The following UBR3 variants were observed in gnomAD, a reference collection of about 807,000 sequenced individuals.
UBR3 encodes ubiquitin protein ligase E3 component n-recognin 3, also known as E3 ubiquitin-protein ligase UBR3.
Under a neutral mutation model 243.2 loss-of-function variants are expected in UBR3, and 85 were observed. The observed-to-expected ratio is 0.35, with a 90% CI of 0.29 to 0.42. UBR3 has a LOEUF of 0.42. Among genes scored for constraint, UBR3 ranks in the 10% least tolerant of loss-of-function variants. The probability of loss-of-function intolerance (pLI) is 1.00; values close to 1 mark genes in which losing one functional copy is unlikely to be tolerated. For missense variants in UBR3, 1,686 were observed against 2,300.8 expected (o/e 0.73, Z 5.47); for synonymous variants, 748 against 799.8 (o/e 0.94, Z 1.09).
At chr2:169,884,256 C>T (rs748456886) in intron 5 of UBR3, among the ~76,000 whole-genome samples, 12 of 151,194 alleles carry the variant, frequency 7.9e-5, no homozygotes, top group East Asian at 3.9e-4. Flanking sequence ...CCCAGGTTCA[C>T]GCCATTCTGC....
chr2:169,849,033 T>C (rs1167491827), intron 1 of UBR3, among the ~76,000 whole-genome samples: 2 of 152,180 alleles, frequency 1.3e-5, no homozygotes, highest in African/African-American at 2.4e-5. Context: ...AGGGAAAAGA[T>C]ACATATATAT....
chr2:169,956,112 C>T (rs1208746383), intron 23 of UBR3, among the ~76,000 whole-genome samples: 1 of 151,950 alleles, frequency 6.6e-6, no homozygotes, highest in East Asian at 1.9e-4. Flanking sequence ...CAATCCATCC[C>T]TCTAGGAGTC....
At chr2:169,950,524 C>T (rs1013556193) in intron 23 of UBR3, among the ~76,000 whole-genome samples, 2 of 151,742 alleles carry the variant, frequency 1.3e-5, no homozygotes, top group African/African-American at 2.4e-5. Flanking sequence ...CACATTCTGA[C>T]TAACTTATGC....
chr2:169,909,089 C>T (rs2085143512), intron 10 of UBR3, among the ~76,000 whole-genome samples: 1 of 152,124 alleles, frequency 6.6e-6, no homozygotes, highest in Non-Finnish European at 1.5e-5. Context: ...TCCCAAAGTG[C>T]TGGGATTACA....
intron 24 of UBR3, among the ~76,000 whole-genome samples, chr2:169,981,824 T>A (rs968559620): frequency 1.3e-4 from 20 of 151,998 alleles, no homozygotes; most frequent in Non-Finnish European, 2.6e-4. Context: ...GATTATTTTT[T>A]AAAAAAGAAA....
At chr2:169,870,035 G>A (rs540179906) in intron 1 of UBR3, among the ~76,000 whole-genome samples, 35 of 151,924 alleles carry the variant, frequency 2.3e-4, no homozygotes, top group Admixed American at 1.0e-3. Flanking sequence ...CTTAACTTAG[G>A]CTTTCTATAT....
chr2:170,080,634 C>T lies in UBR3; in HGVS notation c.5499C>T (p.Leu1833=). ...IIIIRGHRFC[L]WGSVYLDAHG... ...TCATTCGAGGTCACCGCTTCTGCCT[C>T]TGGGGTTCCGTGTATTTGGATGCTC... The change falls in exon 38 of 39, where the codon CTC becomes CTT. Residue 1833 remains leucine (L), a synonymous_variant. Coordinates refer to ENST00000272793, the MANE Select transcript of UBR3 (RefSeq NM_172070.4). 6.2e-7 allele frequency: 1 copy of T among 1,613,998 alleles called. No homozygotes were observed. The highest frequency in any genetic ancestry group is 8.5e-7 in the Non-Finnish European group (1 of 1,179,954).
intron 24 of UBR3, among the ~76,000 whole-genome samples, chr2:169,962,609 A>G (rs2087629778): frequency 6.6e-6 from 1 of 151,956 alleles, no homozygotes; most frequent in Non-Finnish European, 1.5e-5. Context: ...TGATCTTTTA[A>G]TTTTTTAATG....
chr2:169,964,398 C>A (rs571352619), intron 24 of UBR3: 45 of 469,450 alleles, frequency 9.6e-5, no homozygotes, highest in African/African-American at 8.6e-4. Context: ...ACAAGTGAGA[C>A]AAAACAAAAA....
chr2:169,942,093 G>A (rs566435600), intron 19 of UBR3, among the ~76,000 whole-genome samples: 24 of 152,164 alleles, frequency 1.6e-4, no homozygotes, highest in Middle Eastern at 3.4e-3. Context: ...GCTCAAATAC[G>A]CATTCAAAAG....
At chr2:170,064,175 C>T (rs980359565) in intron 35 of UBR3, among the ~76,000 whole-genome samples, 4 of 152,064 alleles carry the variant, frequency 2.6e-5, no homozygotes, top group Non-Finnish European at 4.4e-5. Flanking sequence ...TAGTCTGGCC[C>T]TTTTTAAAAA....
chr2:170,029,181 G>A (rs2090606819), intron 30 of UBR3, among the ~76,000 whole-genome samples, 165 bp from the exon 31 acceptor site: 1 of 151,994 alleles, frequency 6.6e-6, no homozygotes, highest in Non-Finnish European at 1.5e-5. Context: ...TATTTCAGAG[G>A]TTACCATAAA....
At chr2:169,977,069 T>G (rs1336426414) in intron 24 of UBR3, among the ~76,000 whole-genome samples, 1 of 152,138 alleles carries the variant, frequency 6.6e-6, no homozygotes, top group African/African-American at 2.4e-5. Flanking sequence ...GGATTTTTGT[T>G]TGGTTCTTTT....
chr2:169,987,881 A>G (rs1023723678), intron 25 of UBR3, among the ~76,000 whole-genome samples: 1 of 144,262 alleles, frequency 6.9e-6, no homozygotes, highest in South Asian at 2.4e-4. Flanking sequence ...CTGTGGCCAA[A>G]TATGTTTTTT....
chr2:169,873,518 AAGTT>A (rs2083497049), intron 2 of UBR3, among the ~76,000 whole-genome samples: 1 of 152,014 alleles, frequency 6.6e-6, no homozygotes, highest in South Asian at 2.1e-4. Flanking sequence ...ACATTTTTAA[AAGTT>A]AGCTGGGTGT....
intron 35 of UBR3, among the ~76,000 whole-genome samples, chr2:170,063,419 GA>G (rs1292972000): frequency 1.3e-5 from 2 of 152,072 alleles, no homozygotes; most frequent in Non-Finnish European, 2.9e-5. Flanking sequence ...GCTTTAGATA[GA>G]AATTTGTTCT....
intron 1 of UBR3, among the ~76,000 whole-genome samples, chr2:169,852,996 A>C (rs1449336460): frequency 2.0e-5 from 3 of 152,168 alleles, no homozygotes; most frequent in African/African-American, 7.2e-5. Flanking sequence ...GACTAAATTA[A>C]ATAATTAACT....
At chr2:169,884,520 A>C (rs1275868367) in intron 5 of UBR3, among the ~76,000 whole-genome samples, 1 of 152,246 alleles carries the variant, frequency 6.6e-6, no homozygotes, top group African/African-American at 2.4e-5. Flanking sequence ...TGTAGGTTAA[A>C]GAACAAAATA....
At chr2:169,852,624 C>G (rs935754000) in intron 1 of UBR3, among the ~76,000 whole-genome samples, 3 of 150,772 alleles carry the variant, frequency 2.0e-5, no homozygotes, top group Non-Finnish European at 2.9e-5. Flanking sequence ...AGGCGGATCA[C>G]TTGAGGTCAG....
Sources: allele counts gnomAD v4.1 joint callset (sites outside exome capture counted in the v4.1 genomes callset), GRCh38; gene constraint gnomAD v4.1.1; transcripts MANE v1.5; gene names NCBI Gene and HGNC (gene_info 2026-07-23, HGNC 2026-07-21).